Variants in PCSK5 observed in about 807,000 individuals in gnomAD.
The protein encoded by PCSK5 is proprotein convertase subtilisin/kexin type 5, also known as prohormone convertase 5.
A neutral mutation model predicts 233.2 loss-of-function variants in PCSK5; 129 were observed. The ratio of observed to expected loss-of-function variants is 0.55; its 90% confidence interval spans 0.48 to 0.64. PCSK5 has a LOEUF of 0.64. Ranked by LOEUF, PCSK5 falls within the 30% of genes least tolerant of loss-of-function variation. The probability of loss-of-function intolerance (pLI) is 0.00; values close to 1 mark genes in which losing one functional copy is unlikely to be tolerated. For missense variants in PCSK5, 2,076 were observed against 2,430.1 expected (o/e 0.85, Z 3.06); for synonymous variants, 825 against 879.2 (o/e 0.94, Z 1.09).
intron 7 of PCSK5, among the ~76,000 whole-genome samples, chr9:76,076,683 A>G (rs1354049751): frequency 1.3e-5 from 2 of 152,240 alleles, no homozygotes; most frequent in Non-Finnish European, 2.9e-5. Context: ...TTACTATAAG[A>G]TAAGCATTTG....
At chr9:76,347,589 T>C (rs376043927) in intron 35 of PCSK5, among the ~76,000 whole-genome samples, 1 of 152,100 alleles carries the variant, frequency 6.6e-6, no homozygotes, top group Non-Finnish European at 1.5e-5. Context: ...GTTGGTCTTC[T>C]AGAAAATGTA....
chr9:76,184,667 T>TA lies in PCSK5; in HGVS notation c.2198-4dup. ...CTGATTTACAACTTTCTCTTTTTTT[T>TA]AACAGAGAAAAATCTTTGCCGGAAA... On this transcript the variant is annotated splice_polypyrimidine_tract_variant and splice_region_variant and intron_variant, in intron 16 of 37. Coordinates refer to ENST00000674117, the MANE Select transcript of PCSK5 (RefSeq NM_001372043.1). 3.8e-6 allele frequency: 6 copies of TA among 1,591,184 alleles called. No homozygotes were observed. The highest frequency in any genetic ancestry group is 5.2e-6 in the Non-Finnish European group (6 of 1,161,370).
chr9:76,239,375 C>A (rs577486830), intron 23 of PCSK5, among the ~76,000 whole-genome samples: 3 of 152,272 alleles, frequency 2.0e-5, no homozygotes, highest in Middle Eastern at 3.4e-3. Flanking sequence ...CAGATATAAT[C>A]CAAGGTCATA....
intron 2 of PCSK5, among the ~76,000 whole-genome samples, chr9:75,946,681 CG>C (rs1824586015): frequency 6.6e-6 from 1 of 152,134 alleles, no homozygotes; most frequent in Non-Finnish European, 1.5e-5. Flanking sequence ...CTCTGCCTCT[CG>C]GGTTCAAGTG....
chr9:76,140,991 T>C (rs978382475), intron 10 of PCSK5, among the ~76,000 whole-genome samples: 1 of 152,166 alleles, frequency 6.6e-6, no homozygotes, highest in African/African-American at 2.4e-5. Context: ...GGACTTTACC[T>C]AGATATTTGT....
intron 5 of PCSK5, among the ~76,000 whole-genome samples, chr9:76,059,826 G>A (rs1441240805): frequency 2.0e-5 from 3 of 151,932 alleles, no homozygotes; most frequent in Non-Finnish European, 4.4e-5. Flanking sequence ...ATAAAAAAAC[G>A]TCAAATAGAA....
chr9:75,897,773 C>A (rs1169345218), intron 1 of PCSK5, among the ~76,000 whole-genome samples: 1 of 152,024 alleles, frequency 6.6e-6, no homozygotes, highest in African/African-American at 2.4e-5. Flanking sequence ...CAGGTGTGAG[C>A]CACTGGGACG....
intron 12 of PCSK5, among the ~76,000 whole-genome samples, chr9:76,161,262 C>T (rs914359836): frequency 6.6e-6 from 1 of 152,148 alleles, no homozygotes; most frequent in African/African-American, 2.4e-5. Flanking sequence ...GATCGCTGGG[C>T]ACTTCCTCAT....
At chr9:75,978,318 G>A (rs751408888) in intron 2 of PCSK5, among the ~76,000 whole-genome samples, 6 of 152,302 alleles carry the variant, frequency 3.9e-5, no homozygotes, top group Middle Eastern at 3.4e-3. Flanking sequence ...CAAGCCAGCC[G>A]TGGAAACATG....
At chr9:75,925,126 G>C (rs1823426363) in intron 1 of PCSK5, among the ~76,000 whole-genome samples, 1 of 152,126 alleles carries the variant, frequency 6.6e-6, no homozygotes, top group Admixed American at 6.6e-5. Context: ...GTGATTTGAA[G>C]AAATCATTAA....
intron 37 of PCSK5, among the ~76,000 whole-genome samples, chr9:76,355,381 G>A (rs1013269359): frequency 6.6e-6 from 1 of 152,134 alleles, no homozygotes; most frequent in African/African-American, 2.4e-5. Context: ...GCTGAGGCAA[G>A]AGAATGGCGT....
intron 20 of PCSK5, among the ~76,000 whole-genome samples, chr9:76,191,647 G>A (rs1386270656): frequency 3.3e-5 from 5 of 152,230 alleles, no homozygotes; most frequent in Middle Eastern, 3.4e-3. Context: ...GCATGGGCCC[G>A]ACACAGTCAG....
rs768708216 is a variant in PCSK5 at position 76,157,101 on chromosome 9, G to A, written c.1369G>A (p.Glu457Lys). The A allele has an allele frequency of 1.2e-6, 2 of 1,613,944 alleles. No homozygotes were observed. Among genetic ancestry groups the A allele is most frequent in the East Asian group, 4.5e-5 (2 of 44,870 alleles). Residue 457 changes from glutamate (E) to lysine (K), a missense_variant, in exon 11 of 38, where the codon GAG (glutamate) becomes AAG (lysine). By Grantham distance (56) the Glu-to-Lys change is moderately conservative. This residue lies in a region of PCSK5 where 64 missense variants were observed against 68.6 expected (regional missense o/e 0.93). Coordinates refer to ENST00000674117, the MANE Select transcript of PCSK5 (RefSeq NM_001372043.1). The part of the protein sequence containing the change: ...MDAEAMVMEA[E>K]KWTTVPRQHV... ...CGCAGAAGCCATGGTGATGGAGGCA[G>A]AGAAGTGGACCACCGTTCCCCGGCA...
chr9:76,181,402 T>C lies in PCSK5; in HGVS notation c.2008T>C (p.Cys670Arg), dbSNP rs1346507797. The part of the protein sequence containing the change: ...YYKLKNNTRI[C>R]VSSCPPGHYH... The stretch of plus-strand genomic sequence containing the variant: ...TCTTATTGTTTCACAATGCAGGATC[T>C]GTGTCTCCAGCTGCCCCCCTGGCCA... Residue 670 changes from cysteine to arginine, a missense_variant, in exon 16 of 38, where the codon TGT becomes CGT. Physicochemically the swap from Cys to Arg is radical, Grantham distance 180 (BLOSUM62 -3). This residue lies in a region of PCSK5 where 84 missense variants were observed against 108.8 expected (regional missense o/e 0.77). Transcript: ENST00000674117. 6.2e-7 allele frequency: 1 copy of C among 1,612,136 alleles called. No individual in the cohort carries two copies. Among genetic ancestry groups the C allele is most frequent in the African/African-American group, 1.3e-5 (1 of 74,852 alleles).
rs1825815047 is a variant in PCSK5 at position 75,896,547 on chromosome 9, C to T, written c.192+5174C>T. ...CGGTTCAAGTTATGTGAAGCAGTGT[C>T]TGGTTTTTACCAAGGCTGAAGTATC... On this transcript the variant is annotated intron_variant, in intron 1 of 37. Coordinates refer to ENST00000674117, the MANE Select transcript of PCSK5 (RefSeq NM_001372043.1). 3.3e-5 allele frequency among the ~76,000 whole-genome samples: 5 copies of T among 152,074 alleles called. No homozygotes were observed. The South Asian group carries it at 1.0e-3, about 32-fold the overall frequency.
chr9:76,023,988 A>T (rs1429247972), intron 4 of PCSK5, 107 bp downstream of exon 4: 1 of 937,500 alleles, frequency 1.1e-6, no homozygotes, highest in Admixed American at 2.5e-5. Context: ...GCAACGTACA[A>T]TAGGGTATTG....
chr9:76,318,032 T>C (rs1829080711), intron 30 of PCSK5, among the ~76,000 whole-genome samples: 2 of 152,162 alleles, frequency 1.3e-5, no homozygotes, highest in Non-Finnish European at 2.9e-5. Context: ...AGAAAGCAAT[T>C]GGAATAGGTA....
At chr9:76,349,174 T>C (rs1830053372) in intron 35 of PCSK5, among the ~76,000 whole-genome samples, 1 of 146,846 alleles carries the variant, frequency 6.8e-6, no homozygotes, top group South Asian at 2.1e-4. Flanking sequence ...CTCAGGAGGC[T>C]AAGGCAGGAG....
chr9:76,064,518 C>T (rs1398850403), intron 5 of PCSK5, among the ~76,000 whole-genome samples: 3 of 150,112 alleles, frequency 2.0e-5, no homozygotes, highest in Non-Finnish European at 4.4e-5. Flanking sequence ...TGAACCCCCC[C>T]AACCTCCCTC....
Sources: allele counts gnomAD v4.1 joint callset (sites outside exome capture counted in the v4.1 genomes callset), GRCh38; gene constraint gnomAD v4.1.1; regional missense constraint gnomAD v4.1.1; transcripts MANE v1.5; gene names NCBI Gene and HGNC (gene_info 2026-07-23, HGNC 2026-07-21).